The following MCMDC2 variants were observed in gnomAD, a reference collection of about 807,000 sequenced individuals.
MCMDC2 encodes minichromosome maintenance domain-containing protein 2.
A neutral mutation model predicts 75.8 loss-of-function variants in MCMDC2; 54 were observed. The observed-to-expected ratio is 0.71, with a 90% CI of 0.57 to 0.89. MCMDC2 has a LOEUF of 0.89. Among genes scored for constraint, MCMDC2 ranks in the 40% least tolerant of loss-of-function variants. The pLI is 0.00. For synonymous variants in MCMDC2, 249 were observed against 274.6 expected (o/e 0.91, Z 0.92); for missense variants, 656 against 780.4 (o/e 0.84, Z 1.90).
intron 9 of MCMDC2, among the ~76,000 whole-genome samples, chr8:66,887,152 T>C (rs1811880408): frequency 6.6e-6 from 1 of 152,192 alleles, no homozygotes; most frequent in Non-Finnish European, 1.5e-5. Context: ...AAAAATTGTC[T>C]AAAGGTATCT....
chr8:66,911,697 G>C (rs1813129157), intron 14 of MCMDC2, among the ~76,000 whole-genome samples: 1 of 149,864 alleles, frequency 6.7e-6, no homozygotes, highest in Non-Finnish European at 1.5e-5. Context: ...GGTGGCAGGT[G>C]CCTGTAATAC....
chr8:66,879,557 C>T (rs1811465022), intron 7 of MCMDC2, among the ~76,000 whole-genome samples: 1 of 152,114 alleles, frequency 6.6e-6, no homozygotes, highest in South Asian at 2.1e-4. Context: ...CGTGCCACTG[C>T]ACACAAGCCT....
At chr8:66,912,684 A>C (rs2130866492) in intron 14 of MCMDC2, among the ~76,000 whole-genome samples, 1 of 152,296 alleles carries the variant, frequency 6.6e-6, no homozygotes, top group Non-Finnish European at 1.5e-5. Context: ...CTAACACAAG[A>C]ACAGAAAACC....
intron 14 of MCMDC2, among the ~76,000 whole-genome samples, chr8:66,912,755 G>T (rs898186142): frequency 2.0e-5 from 3 of 152,108 alleles, no homozygotes; most frequent in Non-Finnish European, 4.4e-5. Context: ...TGGACACAGG[G>T]AGGGGAACAT....
chr8:66,915,193 TG>T (rs1383516311), intron 14 of MCMDC2, among the ~76,000 whole-genome samples: 1 of 151,922 alleles, frequency 6.6e-6, no homozygotes, highest in Non-Finnish European at 1.5e-5. Flanking sequence ...CCAGGAGCGG[TG>T]GCTCACGCCA....
chr8:66,883,796 C>T lies in MCMDC2; in HGVS notation c.875C>T (p.Ser292Phe). 6.2e-7 allele frequency: 1 copy of T among 1,613,318 alleles called. No individual in the cohort carries two copies. The highest frequency in any genetic ancestry group is 8.5e-7 in the Non-Finnish European group (1 of 1,179,638). Residue 292 changes from serine to phenylalanine, a missense_variant, in exon 9 of 15, where the codon TCC (serine) becomes TTC (phenylalanine). Transcript: ENST00000422365. Reference sequence around the variant, plus strand: ...AGTGACAACTTCAGGTGTCTCCTCTCCTTAACTTCCAGCTCATGCTGGAAG... The same window carrying T: ...AGTGACAACTTCAGGTGTCTCCTCTTCTTAACTTCCAGCTCATGCTGGAAG... ...GISDNFRCLL[S>F]LTSSSCWKFT...
In MCMDC2 at chr8:66,880,846, T is replaced by A; in HGVS notation, c.710-3T>A. ...TATTTTCTTCTGTCTTTAATAATTT[T>A]AGATGAATCAGTGAATAAAATGAAT... On this transcript the variant is annotated splice_region_variant and splice_polypyrimidine_tract_variant and intron_variant, in intron 7 of 14. Coordinates refer to ENST00000422365, the MANE Select transcript of MCMDC2 (RefSeq NM_173518.5). 1 of 1,527,836 alleles carries A rather than the reference T, an allele frequency of 6.5e-7. No homozygotes were observed. The highest frequency in any genetic ancestry group is 1.3e-5 in the South Asian group (1 of 75,554). The allele number at this position is 1,527,836 out of a possible 1,614,324, so 94.6% of individuals were successfully genotyped here. A position where few individuals can be genotyped will look rare whatever the true frequency, so the allele number is the denominator to read the frequency against.
At chr8:66,896,043 C>A in intron 10 of MCMDC2, 127 bp from the exon 11 acceptor site, 1 of 790,578 alleles carries the variant, frequency 1.3e-6, no homozygotes, top group Non-Finnish European at 1.9e-6. Flanking sequence ...GCAAAACAGT[C>A]AAATTTACTT....
chr8:66,913,503 A>G (rs1220305745), intron 14 of MCMDC2, among the ~76,000 whole-genome samples: 1 of 152,222 alleles, frequency 6.6e-6, no homozygotes, highest in Non-Finnish European at 1.5e-5. Flanking sequence ...TATGCCTCAT[A>G]ATTATCACTA....
intron 10 of MCMDC2, among the ~76,000 whole-genome samples, chr8:66,892,362 G>C (rs1429079091): frequency 2.0e-5 from 3 of 152,220 alleles, no homozygotes; most frequent in Non-Finnish European, 2.9e-5. Flanking sequence ...CCTGCCAGGA[G>C]AATGTCATGG....
At chr8:66,889,980 AAAG>A (rs1416852434) in intron 9 of MCMDC2, among the ~76,000 whole-genome samples, 1 of 151,988 alleles carries the variant, frequency 6.6e-6, no homozygotes, top group Non-Finnish European at 1.5e-5. Context: ...CAATCCATAA[AAAG>A]AAGAAGGCCT....
At chr8:66,922,119 A>C (rs538508115), downstream of MCMDC2, 2 of 153,802 alleles carry the variant, frequency 1.3e-5, no homozygotes, top group East Asian at 3.8e-4. Context: ...CCACACCTCC[A>C]AAACAAAGTC....
In MCMDC2 at chr8:66,886,327, G is replaced by A. The variant is rs565225116; in HGVS notation, c.1073+2333G>A. ...TTACAGGCACATGCCACCACACCTG[G>A]CTAATTTTTGTATTTTTAGTAGAAA... On this transcript the variant is annotated intron_variant, in intron 9 of 14. Transcript: ENST00000422365. Among the ~76,000 whole-genome samples the A allele has an allele frequency of 2.0e-5, 3 of 152,066 alleles. No individual in the cohort carries two copies. In the East Asian group the frequency reaches 5.9e-4, roughly 30 times the overall value.
chr8:66,875,367 C>T (rs1038865509), intron 4 of MCMDC2, among the ~76,000 whole-genome samples: 1 of 152,096 alleles, frequency 6.6e-6, no homozygotes, highest in African/African-American at 2.4e-5. Context: ...ACAACCTCCA[C>T]CTCCTGGATT....
chr8:66,872,971 A>C (rs1811096495), intron 1 of MCMDC2, among the ~76,000 whole-genome samples: 1 of 151,478 alleles, frequency 6.6e-6, no homozygotes, highest in African/African-American at 2.4e-5. Context: ...AAAAAAAAAA[A>C]AAAAAAAACA....
chr8:66,884,086 G>A (rs542971451), intron 9 of MCMDC2, 92 bp downstream of exon 9: 2 of 794,940 alleles, frequency 2.5e-6, no homozygotes, highest in Non-Finnish European at 4.1e-6. Flanking sequence ...AGAATATTTA[G>A]AATTTTTCTG....
chr8:66,878,437 T>C, intron 5 of MCMDC2, 137 bp from the exon 6 acceptor site: 1 of 790,032 alleles, frequency 1.3e-6, no homozygotes, highest in Non-Finnish European at 1.8e-6. Context: ...TAAAGGACTG[T>C]AATAGCTACA....
downstream of MCMDC2, among the ~76,000 whole-genome samples, chr8:66,925,074 G>A (rs191991514): frequency 6.6e-6 from 1 of 152,198 alleles, no homozygotes; most frequent in African/African-American, 2.4e-5. Context: ...CAACTTTGCT[G>A]GGGACACAAG....
At chr8:66,916,430 G>C (rs1266137306) in intron 14 of MCMDC2, among the ~76,000 whole-genome samples, 1 of 152,182 alleles carries the variant, frequency 6.6e-6, no homozygotes, top group Non-Finnish European at 1.5e-5. Context: ...GGCTAGAAGA[G>C]AAGTGTCCGA....
Sources: gnomAD v4.1 joint callset for allele counts (sites outside exome capture counted in the v4.1 genomes callset) on GRCh38, gnomAD v4.1.1 for gene constraint, MANE v1.5 for transcripts, NCBI Gene and HGNC (gene_info 2026-07-23, HGNC 2026-07-21) for gene names.